Variants in CTNNA2 observed in about 807,000 individuals in gnomAD.
The protein encoded by CTNNA2 is catenin alpha-2.
In CTNNA2, 42 loss-of-function variants were observed where a neutral mutation model predicts 101.0. The ratio of observed to expected loss-of-function variants is 0.42; its 90% CI spans 0.32 to 0.54. The LOEUF (loss-of-function observed/expected upper bound fraction) is 0.54, where lower values mean the gene tolerates loss of function less well. Among genes scored for constraint, CTNNA2 ranks in the 20% least tolerant of loss-of-function variants. CTNNA2 has a pLI of 0.14. For synonymous variants in CTNNA2, 450 were observed against 456.4 expected (o/e 0.99, Z 0.18); for missense variants, 871 against 1,223.1 (o/e 0.71, Z 4.29).
intron 7 of CTNNA2, chr2:80,313,371 A>C: frequency 7.4e-7 from 1 of 1,349,600 alleles, no homozygotes; most frequent in Non-Finnish European, 9.5e-7. Context: ...ATGGAATTTT[A>C]CCCGATGAGA....
chr2:80,132,642 G>T (rs1702476472), intron 7 of CTNNA2, among the ~76,000 whole-genome samples: 1 of 152,116 alleles, frequency 6.6e-6, no homozygotes, highest in Non-Finnish European at 1.5e-5. Context: ...TGGAGAATGG[G>T]GGTGAGAGTC....
intron 1 of CTNNA2, among the ~76,000 whole-genome samples, chr2:79,650,081 T>C (rs551172405): frequency 6.0e-5 from 9 of 148,764 alleles, no homozygotes; most frequent in African/African-American, 2.2e-4. Flanking sequence ...GTTTGTACAA[T>C]CTAAGGTTGC....
chr2:79,436,086 T>G (rs1046701780), intron 4 of CTNNA2, among the ~76,000 whole-genome samples: 4 of 152,136 alleles, frequency 2.6e-5, no homozygotes, highest in Admixed American at 2.0e-4. Context: ...GAATCTACAT[T>G]TTTAACAAGC....
At chr2:80,471,176 C>T (rs7562733) in intron 9 of CTNNA2, among the ~76,000 whole-genome samples, 1 of 152,114 alleles carries the variant, frequency 6.6e-6, no homozygotes, top group African/African-American at 2.4e-5. Flanking sequence ...ACTCCCATGT[C>T]AGAAATCTTT....
chr2:80,312,241 G>A (rs868385889), intron 7 of CTNNA2, among the ~76,000 whole-genome samples: 26 of 152,332 alleles, frequency 1.7e-4, no homozygotes, highest in Middle Eastern at 3.4e-3. Context: ...TACTCCTTAC[G>A]CAGGTAGCCC....
At chr2:80,346,586 T>C (rs1672756140) in intron 7 of CTNNA2, among the ~76,000 whole-genome samples, 1 of 152,208 alleles carries the variant, frequency 6.6e-6, no homozygotes, top group Admixed American at 6.5e-5. Context: ...TTTGTAGCTT[T>C]CTGCTTATAC....
chr2:79,520,565 G>T (rs1393726686), intron 1 of CTNNA2, among the ~76,000 whole-genome samples: 1 of 152,126 alleles, frequency 6.6e-6, no homozygotes, highest in African/African-American at 2.4e-5. Context: ...AGGTTTGTTA[G>T]AACTACATGT....
chr2:79,216,703 TG>T lies in CTNNA2; in HGVS notation c.-406+18633del, dbSNP rs528289368. 1.0e-3 allele frequency among the ~76,000 whole-genome samples: 98 copies of T among 93,434 alleles called. 4 individuals carry two copies. In the Middle Eastern group the frequency reaches 0.022, roughly 21 times the overall value. 61.3% of individuals were successfully genotyped at this position (93,434 alleles called of 152,430 possible). On this transcript the variant is annotated intron_variant, in intron 2 of 21. Coordinates refer to the CTNNA2 transcript ENST00000466387. ...TGGCTAAGGGTGAAGGAGAAGGGGTTGGGGGGTTCTTGCCCCCTAGAAAAGC... is the reference window on the plus strand; with the variant it reads ...TGGCTAAGGGTGAAGGAGAAGGGGTTGGGGGTTCTTGCCCCCTAGAAAAGC...
At chr2:79,464,493 A>C (rs962689530) in intron 4 of CTNNA2, among the ~76,000 whole-genome samples, 3 of 152,188 alleles carry the variant, frequency 2.0e-5, no homozygotes, top group African/African-American at 7.2e-5. Context: ...CTTTGGGTAT[A>C]TACCCAGTAA....
At chr2:80,190,070 C>T (rs1333365206) in intron 7 of CTNNA2, among the ~76,000 whole-genome samples, 3 of 151,766 alleles carry the variant, frequency 2.0e-5, no homozygotes, top group South Asian at 4.2e-4. Context: ...TCAATGTGTG[C>T]ACACATAGAA....
intron 2 of CTNNA2, among the ~76,000 whole-genome samples, chr2:79,231,649 G>A (rs759973960): frequency 1.3e-5 from 2 of 152,142 alleles, no homozygotes; most frequent in Admixed American, 6.5e-5. Flanking sequence ...GCTTTGGGCA[G>A]TATGGCCATT....
chr2:80,214,976 A>C lies in CTNNA2; in HGVS notation c.1057-178235A>C, dbSNP rs185117098. On this transcript the variant is annotated intron_variant, in intron 7 of 18. Coordinates refer to ENST00000402739, the MANE Select transcript of CTNNA2 (RefSeq NM_001282597.3). ...TCGTTTCTTTTACTCTTTTTTCTCT[A>C]AACTTCTCTTCTCGCTTCATTTCAT... Among the ~76,000 whole-genome samples, 83 of 152,014 alleles carry C rather than the reference A, an allele frequency of 5.5e-4. 1 individual carries two copies. The highest frequency in any genetic ancestry group is 1.8e-3 in the African/African-American group (73 of 41,446).
chr2:79,750,498 T>C (rs569308705), intron 3 of CTNNA2, among the ~76,000 whole-genome samples: 2 of 152,366 alleles, frequency 1.3e-5, no homozygotes, highest in South Asian at 4.1e-4. Context: ...AGTTATTTAG[T>C]GTTTCACATT....
chr2:80,021,234 G>A (rs1189565676), intron 7 of CTNNA2, among the ~76,000 whole-genome samples: 3 of 151,740 alleles, frequency 2.0e-5, no homozygotes, highest in African/African-American at 7.3e-5. Context: ...CACCCAGGAT[G>A]GTCTTAAACT....
chr2:80,445,491 CA>C (rs1249759308), intron 9 of CTNNA2, among the ~76,000 whole-genome samples: 2 of 152,128 alleles, frequency 1.3e-5, no homozygotes, highest in African/African-American at 4.8e-5. Flanking sequence ...CCGTTATTTG[CA>C]AGCTTAATAT....
intron 7 of CTNNA2, among the ~76,000 whole-genome samples, chr2:80,369,208 C>G (rs781283239): frequency 6.6e-6 from 1 of 151,972 alleles, no homozygotes; most frequent in South Asian, 2.1e-4. Flanking sequence ...TTATAGTGAA[C>G]TAGGATTTTA....
chr2:79,788,115 C>T (rs1023546279), intron 3 of CTNNA2, among the ~76,000 whole-genome samples: 1 of 152,254 alleles, frequency 6.6e-6, no homozygotes, highest in African/African-American at 2.4e-5. Context: ...GAGAGCTTCT[C>T]TTTTGTGCCA....
chr2:80,470,489 A>G (rs1685211656), intron 9 of CTNNA2, among the ~76,000 whole-genome samples: 1 of 152,146 alleles, frequency 6.6e-6, no homozygotes, highest in African/African-American at 2.4e-5. Flanking sequence ...AAATGTCATG[A>G]GTAAGCCTGC....
At chr2:80,448,830 C>A (rs1203791212) in intron 9 of CTNNA2, among the ~76,000 whole-genome samples, 1 of 152,116 alleles carries the variant, frequency 6.6e-6, no homozygotes, top group Non-Finnish European at 1.5e-5. Context: ...GAAATGGTGG[C>A]TTGACAGGGC....
Sources: gnomAD v4.1 joint callset for allele counts (sites outside exome capture counted in the v4.1 genomes callset) on GRCh38, gnomAD v4.1.1 for gene constraint, MANE v1.5 for transcripts, NCBI Gene and HGNC (gene_info 2026-07-23, HGNC 2026-07-21) for gene names.